The following ZDHHC4 variants were observed in gnomAD, a reference collection of about 807,000 sequenced individuals.
ZDHHC4 encodes the protein zDHHC palmitoyltransferase 4.
In ZDHHC4, 42 loss-of-function variants were observed where a neutral mutation model predicts 36.7. That is an observed-to-expected ratio of 1.14 (90% CI 0.89 to 1.48). ZDHHC4 has a LOEUF of 1.48. Ranked by LOEUF, ZDHHC4 falls within the 40% of genes most tolerant of loss-of-function variation. The pLI, the probability that ZDHHC4 is intolerant of heterozygous loss-of-function variation, is 0.00. For missense variants in ZDHHC4, 457 were observed against 421.5 expected (o/e 1.08, Z -0.74); for synonymous variants, 189 against 166.6 (o/e 1.13, Z -1.03).
intron 5 of ZDHHC4, among the ~76,000 whole-genome samples, chr7:6,582,814 A>G (rs1780955891): frequency 6.6e-6 from 1 of 152,100 alleles, no homozygotes; most frequent in African/African-American, 2.4e-5. Flanking sequence ...CCGCACTGGC[A>G]GAATTGTACA....
At chr7:6,586,360 G>A (rs1781246112) in intron 7 of ZDHHC4, among the ~76,000 whole-genome samples, 1 of 152,170 alleles carries the variant, frequency 6.6e-6, no homozygotes, top group African/African-American at 2.4e-5. Flanking sequence ...TTTCGGGATA[G>A]GCCTTTTCTG....
rs563105290 is a variant in ZDHHC4 at position 6,589,301 on chromosome 7, C to G, written c.*391C>G. 1.8e-4 allele frequency: 37 copies of G among 206,826 alleles called. No homozygotes were observed. The highest frequency in any genetic ancestry group is 8.1e-4 in the African/African-American group (36 of 44,208). 12.8% of individuals were successfully genotyped at this position (206,826 alleles called of 1,614,324 possible). A position where few individuals can be genotyped will look rare whatever the true frequency, so the allele number is the denominator to read the frequency against. ...CTGGCTGTGCTCTCTTTTATGCCCC[C>G]TCTATTCTCCTCTCTCCCCCAGGGG... is the stretch of plus-strand genomic sequence containing the variant. On this transcript the variant is annotated 3_prime_UTR_variant, in exon 8 of 8. Coordinates refer to ENST00000335965, the MANE Select transcript of ZDHHC4 (RefSeq NM_001134389.2).
Position 6,582,334 on chromosome 7 carries a change from T to C in ZDHHC4, c.370+83T>C, listed in dbSNP as rs562354998. The stretch of plus-strand genomic sequence containing the variant: ...GCTGCAAACAAGGAGAGGCCCCCCC[T>C]GAGGACTTTGTAAAAGATTTGATGT... On this transcript the variant is annotated intron_variant, in intron 5 of 7. Coordinates refer to ENST00000335965, the MANE Select transcript of ZDHHC4 (RefSeq NM_001134389.2). 166 of 1,235,324 alleles carry C rather than the reference T, an allele frequency of 1.3e-4. 3 individuals carry two copies. In the South Asian group the frequency reaches 2.9e-3, roughly 21 times the overall value. 76.5% of individuals were successfully genotyped at this position (1,235,324 alleles called of 1,614,324 possible).
At chr7:6,587,291 G>A (rs28541711) in intron 7 of ZDHHC4, among the ~76,000 whole-genome samples, 57,067 of 151,908 alleles carry the variant, frequency 0.38, 11,387 homozygotes, top group African/African-American at 0.51. Context: ...GGATCTTTTG[G>A]ATCTTGGGAA....
At chr7:6,581,093 T>G in intron 3 of ZDHHC4, 1 of 250,530 alleles carries the variant, frequency 4.0e-6, no homozygotes, top group Non-Finnish European at 7.8e-6. Flanking sequence ...TGCCTGTGAT[T>G]GGGCATGGAT....
Position 6,588,646 on chromosome 7 carries a change from C to T in ZDHHC4, c.771C>T (p.Val257=). 6.2e-7 allele frequency: 1 copy of T among 1,614,192 alleles called. No individual in the cohort carries two copies. The highest frequency in any genetic ancestry group is 8.5e-7 in the Non-Finnish European group (1 of 1,180,034). The change falls in exon 8 of 8, where the codon GTC becomes GTT. Residue 257 remains valine (V), a synonymous_variant. Transcript: ENST00000335965. ...TGTTCCTGACTTTTCCACGGATTGT[C>T]TTCATGCTGGGCTTTGTCGTGGTTC... is the stretch of plus-strand genomic sequence containing the variant. ...QYLFLTFPRI[V]FMLGFVVVLS... is the part of the protein sequence containing the mutation.
rs766572884 is a variant in ZDHHC4 at position 6,585,246 on chromosome 7, GTCTT to G, written c.732_735del (p.Phe244LeufsTer7). Reference sequence around the variant, plus strand: ...TGGACACCTCCATGTTATGGACACGGTCTTTCTTATTCAGGTAATTATGCTGTAG... The same window carrying G: ...TGGACACCTCCATGTTATGGACACGGTCTTATTCAGGTAATTATGCTGTAG... On this transcript the variant is annotated frameshift_variant, in exon 7 of 8. Coordinates refer to ENST00000335965, the MANE Select transcript of ZDHHC4 (RefSeq NM_001134389.2). LOFTEE classifies it high-confidence loss of function. 3 of 1,614,046 alleles carry G rather than the reference GTCTT, an allele frequency of 1.9e-6. No homozygotes were observed. Among genetic ancestry groups the G allele is most frequent in the Non-Finnish European group, 1.7e-6 (2 of 1,179,932 alleles).
At chr7:6,582,382 G>T in intron 5 of ZDHHC4, 131 bp downstream of exon 5, 9 of 876,578 alleles carry the variant, frequency 1.0e-5, no homozygotes, top group East Asian at 1.0e-4. Flanking sequence ...TTACCTTTCA[G>T]TTTTGAGTGT....
At chr7:6,583,743 C>T (rs1781033078) in intron 6 of ZDHHC4, 1 of 242,540 alleles carries the variant, frequency 4.1e-6, no homozygotes, top group South Asian at 8.6e-5. Flanking sequence ...GCCTAGTCTT[C>T]TGGGGAGGGC....
At chr7:6,588,570 A>G in intron 7 of ZDHHC4, 47 bp from the exon 8 acceptor site, 1 of 1,588,946 alleles carries the variant, frequency 6.3e-7, no homozygotes, top group South Asian at 1.1e-5. Context: ...ACTCTCATGG[A>G]TGTCACAGTC....
intron 7 of ZDHHC4, among the ~76,000 whole-genome samples, chr7:6,588,299 A>G (rs1343967230): frequency 6.6e-6 from 1 of 152,254 alleles, no homozygotes; most frequent in Admixed American, 6.5e-5. Context: ...TCTTTTGTCC[A>G]TCTGGATTTT....
intron 2 of ZDHHC4, among the ~76,000 whole-genome samples, chr7:6,578,926 C>G (rs957124230): frequency 6.6e-6 from 1 of 152,130 alleles, no homozygotes; most frequent in African/African-American, 2.4e-5. Flanking sequence ...CAGGCTTGAA[C>G]TCCTGTGCTC....
At chr7:6,580,422 T>A in intron 2 of ZDHHC4, 133 bp from the exon 3 acceptor site, 1 of 761,584 alleles carries the variant, frequency 1.3e-6, no homozygotes, top group Non-Finnish European at 2.3e-6. Context: ...CTTTCTGCTT[T>A]TTGCTTTGAG....
chr7:6,584,339 A>G (rs1313160657), intron 6 of ZDHHC4: 3 of 152,226 alleles, frequency 2.0e-5, no homozygotes, highest in African/African-American at 7.2e-5. Context: ...ACAGTTGAAA[A>G]AGTAGGCTTA....
chr7:6,583,259 A>G (rs1780990830), intron 5 of ZDHHC4, 47 bp from the exon 6 acceptor site: 2 of 1,606,864 alleles, frequency 1.2e-6, no homozygotes, highest in Non-Finnish European at 1.7e-6. Context: ...GTGACTATCC[A>G]GTCCAAAGTA....
At position 6,585,144 on chromosome 7, in the gene ZDHHC4, G is replaced by A. The variant is rs750071169; in HGVS notation, c.625G>A (p.Ala209Thr). The change falls in exon 7 of 8, where the codon GCC (alanine) becomes ACC (threonine). Residue 209 changes from alanine (A) to threonine (T), a missense_variant. Ala to Thr is a moderately conservative substitution (Grantham distance 58). Coordinates refer to ENST00000335965, the MANE Select transcript of ZDHHC4 (RefSeq NM_001134389.2). ...LTLTASAATV[A>T]IVSTTFLVHL... ...CTTGACGGCCTCGGCTGCCACCGTCGCCATTGTGAGCACCACTTTTCTGGT... is the reference window on the plus strand; with the variant it reads ...CTTGACGGCCTCGGCTGCCACCGTCACCATTGTGAGCACCACTTTTCTGGT... 41 of 1,613,886 alleles carry A rather than the reference G, an allele frequency of 2.5e-5. No homozygotes were observed. The Admixed American group carries it at 4.2e-4, about 16-fold the overall frequency.
At chr7:6,583,557 C>T (rs906450625) in intron 6 of ZDHHC4, 126 bp downstream of exon 6, 3 of 1,278,170 alleles carry the variant, frequency 2.3e-6, no homozygotes, top group Non-Finnish European at 3.2e-6. Flanking sequence ...GTGGCCACTA[C>T]TTGTAGAGTT....
chr7:6,579,271 G>A (rs1054731801), intron 2 of ZDHHC4, among the ~76,000 whole-genome samples: 1 of 151,512 alleles, frequency 6.6e-6, no homozygotes, highest in Non-Finnish European at 1.5e-5. Context: ...CGCGATCTCG[G>A]CTCACTGCAA....
intron 6 of ZDHHC4, chr7:6,584,815 T>G (rs1781117099): frequency 3.0e-6 from 2 of 655,922 alleles, no homozygotes; most frequent in Non-Finnish European, 5.1e-6. Context: ...TGTAGTCAGA[T>G]TGCAAGTGCT....
Sources: gnomAD v4.1 joint callset for allele counts (sites outside exome capture counted in the v4.1 genomes callset) on GRCh38, gnomAD v4.1.1 for gene constraint, MANE v1.5 for transcripts, NCBI Gene and HGNC (gene_info 2026-07-23, HGNC 2026-07-21) for gene names.